The following CSMD1 variants were observed in gnomAD, a reference collection of about 807,000 sequenced individuals.
The protein encoded by CSMD1 is CUB and sushi domain-containing protein 1.
In CSMD1, 213 loss-of-function variants were observed where a neutral mutation model predicts 417.5. The observed-to-expected ratio is 0.51, with a 90% CI of 0.46 to 0.57. The LOEUF (loss-of-function observed/expected upper bound fraction) is 0.57, where lower values mean the gene tolerates loss of function less well. Among genes scored for constraint, CSMD1 ranks in the 20% least tolerant of loss-of-function variants. CSMD1 has a pLI of 0.00. For missense variants in CSMD1, 6,923 were observed against 4,529.7 expected (o/e 1.53, Z -15.17); for synonymous variants, 2,862 against 1,736.8 (o/e 1.65, Z -16.11).
rs140031490 is a variant in CSMD1 at position 3,871,227 on chromosome 8, A to G, written c.819-117185T>C. Among the ~76,000 whole-genome samples, 1,334 of 152,256 alleles carry G rather than the reference A, an allele frequency of 8.8e-3. 20 individuals carry two copies. The highest frequency in any genetic ancestry group is 0.03 in the African/African-American group (1,265 of 41,578). The stretch of plus-strand genomic sequence containing the variant: ...ATGTGTACCAAGGAACTATATTAAA[A>G]TTAGAGAATACATATTTTAGCACTT... On this transcript the variant is annotated intron_variant, in intron 5 of 69. Transcript: ENST00000635120.
intron 10 of CSMD1, among the ~76,000 whole-genome samples, chr8:3,526,779 C>A (rs1797770982): frequency 6.6e-6 from 1 of 152,216 alleles, no homozygotes; most frequent in Admixed American, 6.5e-5. Flanking sequence ...AAACACACTT[C>A]CTAGTATTTG....
chr8:4,706,671 A>G (rs17071069), intron 1 of CSMD1, among the ~76,000 whole-genome samples: 6,191 of 152,318 alleles, frequency 0.041, 135 homozygotes, highest in East Asian at 0.098. Flanking sequence ...CTAGTCATCA[A>G]TGTGGCTGAA....
Position 4,002,521 on chromosome 8 carries a change from C to G in CSMD1, c.611-4411G>C, listed in dbSNP as rs538871869. 3.3e-5 allele frequency among the ~76,000 whole-genome samples: 5 copies of G among 152,216 alleles called. No individual in the cohort carries two copies. The East Asian group carries it at 7.7e-4, about 23-fold the overall frequency. ...TTTATAAATAATGCCACAGAGGAAA[C>G]AGTTTTCAAAGCCCATTTCGACTGA... On this transcript the variant is annotated intron_variant, in intron 4 of 69. Coordinates refer to ENST00000635120, the MANE Select transcript of CSMD1 (RefSeq NM_033225.6).
intron 18 of CSMD1, among the ~76,000 whole-genome samples, chr8:3,384,753 TATAA>T (rs1810878116): frequency 8.0e-6 from 1 of 124,762 alleles, no homozygotes; most frequent in Non-Finnish European, 1.6e-5. Context: ...TATATATTTA[TATAA>T]ATTATATAAA....
At chr8:4,046,307 T>G (rs1798143866) in intron 3 of CSMD1, among the ~76,000 whole-genome samples, 1 of 152,340 alleles carries the variant, frequency 6.6e-6, no homozygotes, top group South Asian at 2.1e-4. Flanking sequence ...GTTATTTCTC[T>G]TCTTTGTCCT....
At chr8:2,951,086 T>C (rs1802593915) in intron 66 of CSMD1, 28 bp downstream of exon 66, 8 of 1,602,002 alleles carry the variant, frequency 5.0e-6, no homozygotes, top group Middle Eastern at 3.7e-4. Flanking sequence ...GCTCACACCA[T>C]GCGTTTAGTG....
intron 5 of CSMD1, among the ~76,000 whole-genome samples, chr8:3,971,937 T>A (rs1273145123): frequency 1.3e-5 from 2 of 152,142 alleles, no homozygotes; most frequent in Non-Finnish European, 2.9e-5. Flanking sequence ...AGACAGGGTG[T>A]CATTCTGTTG....
chr8:4,586,016 T>C (rs753392843), intron 2 of CSMD1, among the ~76,000 whole-genome samples: 6 of 152,198 alleles, frequency 3.9e-5, no homozygotes, highest in Admixed American at 6.5e-5. Context: ...CATCATTACC[T>C]TTTTCATTAT....
intron 11 of CSMD1, among the ~76,000 whole-genome samples, chr8:3,491,110 A>T (rs1019512971): frequency 1.3e-5 from 2 of 152,190 alleles, no homozygotes; most frequent in Non-Finnish European, 2.9e-5. Context: ...TATTCACTTC[A>T]CAGCTGCTTA....
chr8:3,262,472 C>G (rs1304379364), intron 26 of CSMD1, among the ~76,000 whole-genome samples: 1 of 150,972 alleles, frequency 6.6e-6, no homozygotes, highest in Non-Finnish European at 1.5e-5. Context: ...AAGAAAGTGT[C>G]CTTTCCAGTT....
At chr8:3,903,808 G>A (rs192190493) in intron 5 of CSMD1, among the ~76,000 whole-genome samples, 1 of 152,062 alleles carries the variant, frequency 6.6e-6, no homozygotes, top group Non-Finnish European at 1.5e-5. Flanking sequence ...TGTTCCATGG[G>A]TCATGTTTTC....
At chr8:4,109,281 C>A (rs1048766206) in intron 3 of CSMD1, among the ~76,000 whole-genome samples, 3 of 152,028 alleles carry the variant, frequency 2.0e-5, no homozygotes, top group Non-Finnish European at 2.9e-5. Flanking sequence ...GCAGAACACA[C>A]AGATATGAAG....
intron 2 of CSMD1, among the ~76,000 whole-genome samples, chr8:4,577,405 G>A (rs1220749265): frequency 6.6e-6 from 1 of 152,062 alleles, no homozygotes; most frequent in Non-Finnish European, 1.5e-5. Flanking sequence ...TCTCAAGTCG[G>A]GGAAATGTTC....
chr8:4,793,316 A>G (rs947686498), intron 1 of CSMD1, among the ~76,000 whole-genome samples: 1 of 152,232 alleles, frequency 6.6e-6, no homozygotes, highest in Non-Finnish European at 1.5e-5. Context: ...ATGATAACAC[A>G]GAAGAGGCAT....
chr8:4,097,285 G>C (rs1285554686), intron 3 of CSMD1, among the ~76,000 whole-genome samples: 1 of 152,146 alleles, frequency 6.6e-6, no homozygotes, highest in Non-Finnish European at 1.5e-5. Context: ...TCTAAGCTCT[G>C]TCTTATAAAA....
At chr8:4,697,996 A>C (rs1290286932) in intron 1 of CSMD1, among the ~76,000 whole-genome samples, 1 of 152,234 alleles carries the variant, frequency 6.6e-6, no homozygotes, top group Non-Finnish European at 1.5e-5. Context: ...TCTAGATCTT[A>C]CATCGAACAC....
chr8:4,052,365 C>G (rs1162662035), intron 3 of CSMD1, among the ~76,000 whole-genome samples: 7 of 152,252 alleles, frequency 4.6e-5, no homozygotes, highest in Admixed American at 4.6e-4. Context: ...CACGTGTATG[C>G]TATTTTCATA....
intron 3 of CSMD1, among the ~76,000 whole-genome samples, chr8:4,109,811 G>T (rs901935182): frequency 6.6e-6 from 1 of 152,116 alleles, no homozygotes; most frequent in African/African-American, 2.4e-5. Context: ...CAAAAAGGGT[G>T]TTACCATAAA....
intron 5 of CSMD1, among the ~76,000 whole-genome samples, chr8:3,785,722 G>T (rs4518696): frequency 6.6e-6 from 1 of 152,138 alleles, no homozygotes; most frequent in Non-Finnish European, 1.5e-5. Flanking sequence ...AGAAGTGAGA[G>T]GCCCAGGGTG....
Sources: allele counts gnomAD v4.1 joint callset (sites outside exome capture counted in the v4.1 genomes callset), GRCh38; gene constraint gnomAD v4.1.1; transcripts MANE v1.5; gene names NCBI Gene and HGNC (gene_info 2026-07-23, HGNC 2026-07-21).